The following PDE10A variants were observed in gnomAD, a reference collection of about 807,000 sequenced individuals.
PDE10A encodes the protein cAMP and cAMP-inhibited cGMP 3',5'-cyclic phosphodiesterase 10A.
PDE10A carries 39 observed loss-of-function variants against 97.7 expected under a neutral mutation model. The observed-to-expected ratio is 0.40, with a 90% CI of 0.31 to 0.52. The LOEUF (loss-of-function observed/expected upper bound fraction) is 0.52, where lower values mean the gene tolerates loss of function less well. PDE10A is among the 20% of genes least tolerant of loss of function. PDE10A has a pLI of 0.56. For synonymous variants in PDE10A, 371 were observed against 376.8 expected (o/e 0.98, Z 0.18); for missense variants, 731 against 1,047.8 (o/e 0.70, Z 4.17).
intron 1 of PDE10A, among the ~76,000 whole-genome samples, chr6:165,654,432 C>T (rs561561141): frequency 4.2e-4 from 64 of 152,002 alleles, no homozygotes; most frequent in South Asian, 4.1e-4. Flanking sequence ...AGAGAAATGG[C>T]GGTCAGAAGC....
At chr6:165,600,803 A>T (rs1036788677) in intron 1 of PDE10A, among the ~76,000 whole-genome samples, 1 of 152,106 alleles carries the variant, frequency 6.6e-6, no homozygotes, top group African/African-American at 2.4e-5. Context: ...GACCTGCTAA[A>T]CTCCTTTTAA....
chr6:165,792,382 C>T (rs866982977), intron 1 of PDE10A, among the ~76,000 whole-genome samples: 14 of 152,142 alleles, frequency 9.2e-5, no homozygotes, highest in African/African-American at 1.4e-4. Context: ...TCAACGCCAC[C>T]GCCCTGGGCA....
intron 21 of PDE10A, among the ~76,000 whole-genome samples, chr6:165,333,632 T>A (rs1781471393): frequency 6.6e-6 from 1 of 152,214 alleles, no homozygotes; most frequent in South Asian, 2.1e-4. Flanking sequence ...CATCCTAAGT[T>A]ACACCTGGCA....
At chr6:165,405,157 T>C (rs1445056335) in intron 13 of PDE10A, among the ~76,000 whole-genome samples, 3 of 152,074 alleles carry the variant, frequency 2.0e-5, no homozygotes, top group Non-Finnish European at 4.4e-5. Flanking sequence ...AGTAGGGGCA[T>C]TGGAAAAATG....
chr6:165,653,833 T>C (rs950982215), intron 1 of PDE10A, among the ~76,000 whole-genome samples: 1 of 139,324 alleles, frequency 7.2e-6, no homozygotes, highest in Non-Finnish European at 1.6e-5. Flanking sequence ...CTGGACTCAG[T>C]GCGTAAGGAA....
intron 13 of PDE10A, among the ~76,000 whole-genome samples, chr6:165,396,758 T>C (rs1562420654): frequency 6.6e-6 from 1 of 152,198 alleles, no homozygotes; most frequent in Non-Finnish European, 1.5e-5. Context: ...TTTCCGCATT[T>C]TTAAATAAAA....
chr6:165,931,427 C>T (rs1293956789), intron 1 of PDE10A, among the ~76,000 whole-genome samples: 3 of 152,328 alleles, frequency 2.0e-5, no homozygotes, highest in South Asian at 4.1e-4. Flanking sequence ...AGTGAATGGA[C>T]CCTGATATTT....
At chr6:165,398,477 GA>G (rs1786357033) in intron 13 of PDE10A, among the ~76,000 whole-genome samples, 1 of 103,972 alleles carries the variant, frequency 9.6e-6, no homozygotes, top group African/African-American at 4.9e-5. Context: ...GATAGAGCAA[GA>G]CTCTCTCTCT....
chr6:165,870,898 T>C (rs1184923324), intron 1 of PDE10A, among the ~76,000 whole-genome samples: 1 of 152,148 alleles, frequency 6.6e-6, no homozygotes, highest in Non-Finnish European at 1.5e-5. Flanking sequence ...GCTAAAAATG[T>C]TGATCTCATG....
chr6:165,963,583 A>G (rs1470870494), intron 1 of PDE10A, among the ~76,000 whole-genome samples: 1 of 152,224 alleles, frequency 6.6e-6, no homozygotes, highest in Admixed American at 6.5e-5. Flanking sequence ...TTTGTCAGAA[A>G]GTACCCAGTA....
At chr6:165,412,646 G>A (rs990403963) in intron 13 of PDE10A, among the ~76,000 whole-genome samples, 2 of 151,842 alleles carry the variant, frequency 1.3e-5, no homozygotes, top group African/African-American at 4.9e-5. Context: ...GGTTACCCTC[G>A]GTCACCAGAA....
chr6:165,645,941 T>C (rs542791383), intron 1 of PDE10A, among the ~76,000 whole-genome samples: 5 of 151,636 alleles, frequency 3.3e-5, no homozygotes, highest in African/African-American at 1.2e-4. Flanking sequence ...TAGTTTCACA[T>C]ATTCCTCCAC....
intron 2 of PDE10A, among the ~76,000 whole-genome samples, chr6:165,516,505 G>A (rs913842464): frequency 1.3e-5 from 2 of 152,026 alleles, no homozygotes; most frequent in Non-Finnish European, 2.9e-5. Flanking sequence ...TACTACCATT[G>A]TACATAAAAC....
chr6:165,980,591 G>C (rs1011074363), intron 1 of PDE10A, among the ~76,000 whole-genome samples: 1 of 152,208 alleles, frequency 6.6e-6, no homozygotes, highest in African/African-American at 2.4e-5. Context: ...CAGGATACTT[G>C]TGTCTGTATA....
In PDE10A at chr6:165,330,264, C is replaced by A. The variant is rs1781270568; in HGVS notation, c.*2761G>T. ...ACACAATACGACCTTAATAGGAACT[C>A]ATCAAAGCTGTTGTTAGTAAAAACC... On this transcript the variant is annotated 3_prime_UTR_variant, in exon 22 of 22. Coordinates refer to ENST00000539869, the MANE Select transcript of PDE10A (RefSeq NM_001385079.1). The A allele has an allele frequency of 6.6e-6, 1 of 152,136 alleles. No homozygotes were observed. The highest frequency in any genetic ancestry group is 1.5e-5 in the Non-Finnish European group (1 of 68,016). 9.4% of individuals were successfully genotyped at this position (152,136 alleles called of 1,614,324 possible).
chr6:165,848,226 G>C (rs780147430), intron 1 of PDE10A, among the ~76,000 whole-genome samples: 1 of 152,142 alleles, frequency 6.6e-6, no homozygotes, highest in African/African-American at 2.4e-5. Context: ...CCTATGTGGC[G>C]GGAATTGTTC....
At chr6:165,500,547 A>G (rs1780808086) in intron 2 of PDE10A, among the ~76,000 whole-genome samples, 1 of 152,196 alleles carries the variant, frequency 6.6e-6, no homozygotes. Context: ...TCTAACCTCA[A>G]GTACCCAGGG....
At chr6:165,657,789 A>ACAGCTC (rs1318704301) in intron 1 of PDE10A, among the ~76,000 whole-genome samples, 1 of 152,234 alleles carries the variant, frequency 6.6e-6, no homozygotes, top group Non-Finnish European at 1.5e-5. Context: ...ACCAGTTTAA[A>ACAGCTC]CAGCTCTGCC....
intron 1 of PDE10A, among the ~76,000 whole-genome samples, chr6:165,624,501 T>G (rs985012351): frequency 1.3e-5 from 2 of 152,250 alleles, no homozygotes; most frequent in African/African-American, 4.8e-5. Flanking sequence ...TGTTTTTTAT[T>G]TTCCTTTCTC....
Sources: gnomAD v4.1 joint callset for allele counts (sites outside exome capture counted in the v4.1 genomes callset) on GRCh38, gnomAD v4.1.1 for gene constraint, MANE v1.5 for transcripts, NCBI Gene and HGNC (gene_info 2026-07-23, HGNC 2026-07-21) for gene names.